The following AMZ1 variants were observed in gnomAD, a reference collection of about 807,000 sequenced individuals.
AMZ1 encodes the protein archaemetzincin-1.
A neutral mutation model predicts 29.9 loss-of-function variants in AMZ1; 39 were observed. The ratio of observed to expected loss-of-function variants is 1.30; its 90% CI spans 1.01 to 1.70. The LOEUF (loss-of-function observed/expected upper bound fraction) is 1.70, where lower values mean the gene tolerates loss of function less well. AMZ1 is among the 40% of genes most tolerant of loss of function. AMZ1 has a pLI of 0.00. For synonymous variants in AMZ1, 458 were observed against 304.0 expected, an observed-to-expected ratio of 1.51 and a Z score of -5.27; for missense variants, 1,041 against 680.6, an observed-to-expected ratio of 1.53 and a Z score of -5.89.
At chr7:2,691,021 G>C (rs993389816) in intron 1 of AMZ1, among the ~76,000 whole-genome samples, 1 of 148,792 alleles carries the variant, frequency 6.7e-6, no homozygotes, top group Admixed American at 6.9e-5. Context: ...TGCGTCTGTA[G>C]TCCCAGCTAC....
rs1562390197 is a variant in AMZ1 at position 2,731,381 on chromosome 7, C to T, written n.550+21565C>T. 1 of 1,613,526 alleles carries T rather than the reference C, an allele frequency of 6.2e-7. No homozygotes were observed. Among genetic ancestry groups the T allele is most frequent in the Non-Finnish European group, 8.5e-7 (1 of 1,179,592 alleles). On this transcript the variant is annotated intron_variant and non_coding_transcript_variant, in intron 4 of 4. Coordinates refer to the AMZ1 transcript ENST00000489665. The surrounding 1 kb of genome is among the most constrained non-coding windows in gnomAD (Gnocchi z 6.0). ...AGCCTGTGCGGGTCGCCCCTGAAGT[C>T]CGGGAAGTGCTTCTTGATGCTCACG...
intron 2 of AMZ1, chr7:2,702,442 C>G (rs1788105560): frequency 2.2e-6 from 1 of 448,100 alleles, no homozygotes; most frequent in Admixed American, 4.2e-5. Context: ...GTCCCTGTCC[C>G]TGGTGAGTCC....
At chr7:2,738,148 C>T (rs557247072) in intron 4 of AMZ1, among the ~76,000 whole-genome samples, 4 of 152,246 alleles carry the variant, frequency 2.6e-5, no homozygotes, top group African/African-American at 4.8e-5. Flanking sequence ...GAGGACCAGG[C>T]GTGGTGGCTC....
At chr7:2,735,793 G>C (rs559875344) in intron 4 of AMZ1, among the ~76,000 whole-genome samples, 1 of 152,306 alleles carries the variant, frequency 6.6e-6, no homozygotes, top group Admixed American at 6.5e-5. Flanking sequence ...TGTCAGGGCG[G>C]CCTCATCTCG....
At chr7:2,736,480 T>C (rs1039651605) in intron 4 of AMZ1, among the ~76,000 whole-genome samples, 1 of 152,162 alleles carries the variant, frequency 6.6e-6, no homozygotes, top group Non-Finnish European at 1.5e-5. Context: ...GTCTGTCCTC[T>C]CACGAGCAAC....
At chr7:2,706,681 C>T (rs1421808883) in intron 3 of AMZ1, among the ~76,000 whole-genome samples, 1 of 152,192 alleles carries the variant, frequency 6.6e-6, no homozygotes, top group East Asian at 1.9e-4. Context: ...TTCTAAGACT[C>T]CAGTCACTGG....
chr7:2,700,331 C>A lies in AMZ1; in HGVS notation c.-121C>A, dbSNP rs1024136900. On this transcript the variant is annotated 5_prime_UTR_variant, in exon 2 of 7. Transcript: ENST00000683327. Reference sequence around the variant, plus strand: ...TGGACCAGTGTCTGTCTGCAGGGAGCCCCCGGTAGCCACTCGGATCAGCCC... The same window carrying A: ...TGGACCAGTGTCTGTCTGCAGGGAGACCCCGGTAGCCACTCGGATCAGCCC... 7 of 1,165,200 alleles carry A rather than the reference C, an allele frequency of 6.0e-6. No homozygotes were observed. The highest frequency in any genetic ancestry group is 8.3e-6 in the Non-Finnish European group (7 of 843,766). 72.2% of individuals were successfully genotyped at this position (1,165,200 alleles called of 1,614,324 possible).
At chr7:2,727,435 G>A (rs1398486222) in intron 4 of AMZ1, among the ~76,000 whole-genome samples, 1 of 152,088 alleles carries the variant, frequency 6.6e-6, no homozygotes, top group Admixed American at 6.6e-5. Flanking sequence ...GGAGTGCAGA[G>A]TGCGATCGCA....
At chr7:2,708,412 C>A (rs999071735) in intron 3 of AMZ1, among the ~76,000 whole-genome samples, 176 bp from the exon 4 acceptor site, 20 of 152,202 alleles carry the variant, frequency 1.3e-4, no homozygotes, top group Non-Finnish European at 4.4e-5. Flanking sequence ...GGCTGTCACT[C>A]CACATCATGC....
intron 4 of AMZ1, among the ~76,000 whole-genome samples, chr7:2,755,789 T>C (rs1791265203): frequency 6.6e-6 from 1 of 152,252 alleles, no homozygotes; most frequent in Non-Finnish European, 1.5e-5. Flanking sequence ...AAAATTTCTT[T>C]ACTGAAAACT....
intron 1 of AMZ1, among the ~76,000 whole-genome samples, chr7:2,690,130 C>T (rs1034658197): frequency 2.0e-5 from 3 of 152,166 alleles, no homozygotes; most frequent in South Asian, 2.1e-4. Context: ...GGGAGCTAAG[C>T]GTTCTCATTC....
In AMZ1 at chr7:2,726,894, G is replaced by A. The variant is rs73047369; in HGVS notation, n.550+17078G>A. On this transcript the variant is annotated intron_variant and non_coding_transcript_variant, in intron 4 of 4. Transcript: ENST00000489665. Reference sequence around the variant, plus strand: ...GATAACCCCAGGGGTTGTGAGGACAGAACCTCCACCTGCCATCCCCATGGG... The same window carrying A: ...GATAACCCCAGGGGTTGTGAGGACAAAACCTCCACCTGCCATCCCCATGGG... Among the ~76,000 whole-genome samples the A allele has an allele frequency of 9.8e-3, 1,489 of 152,278 alleles. 5 individuals carry two copies. Among genetic ancestry groups the A allele is most frequent in the Non-Finnish European group, 0.016 (1,079 of 68,018 alleles).
rs1562376786 is a variant in AMZ1, at chr7:2,712,918, C to CTGG, written c.*41_*43dup. On this transcript the variant is annotated 3_prime_UTR_variant, in exon 7 of 7. Coordinates refer to ENST00000683327, the MANE Select transcript of AMZ1 (RefSeq NM_001384743.1). ...CCCTACGTCTCCTTCCCTAAGGATG[C>CTGG]TGGCCAGCACTGTCCAGTAGCTGAG... The CTGG allele has an allele frequency of 6.7e-7, 1 of 1,499,708 alleles. No homozygotes were observed. Among genetic ancestry groups the CTGG allele is most frequent in the Non-Finnish European group, 8.9e-7 (1 of 1,124,210 alleles). The allele number at this position is 1,499,708 out of a possible 1,614,324, so 92.9% of individuals were successfully genotyped here.
chr7:2,689,233 C>T (rs995126989), intron 1 of AMZ1, among the ~76,000 whole-genome samples: 7 of 152,290 alleles, frequency 4.6e-5, no homozygotes, highest in African/African-American at 1.4e-4. Flanking sequence ...GTTTCTTGCC[C>T]AAAGGCCAGG....
At position 2,709,204 on chromosome 7, in the gene AMZ1, C is replaced by G. The variant is rs1013476923; in HGVS notation, c.731C>G (p.Ala244Gly). 2.0e-6 allele frequency: 3 copies of G among 1,516,574 alleles called. No individual in the cohort carries two copies. Among genetic ancestry groups the G allele is most frequent in the Non-Finnish European group, 2.6e-6 (3 of 1,134,130 alleles). 93.9% of individuals were successfully genotyped at this position (1,516,574 alleles called of 1,614,324 possible). ...GCCCCCCTGCAGGACAGGGGCTGGG[C>G]CCTGTGCTTCAGTGCCCTGGGGATG... The part of the protein sequence containing the change: ...PEAPLQDRGW[A>G]LCFSALGMVQ... The change falls in exon 5 of 7, where the codon GCC becomes GGC. Residue 244 changes from alanine to glycine, a missense_variant. Transcript: ENST00000683327.
chr7:2,709,587 C>T (rs926582852), intron 5 of AMZ1, 53 bp from the exon 6 acceptor site: 6 of 1,573,278 alleles, frequency 3.8e-6, no homozygotes, highest in Non-Finnish European at 5.2e-6. Flanking sequence ...TGGGGATCTG[C>T]CGGATGCAGG....
Position 2,733,521 on chromosome 7 carries a change from T to C in AMZ1, n.550+23705T>C, listed in dbSNP as rs2115290053. The C allele has an allele frequency of 4.4e-6, 7 of 1,605,488 alleles. No individual in the cohort carries two copies. The East Asian group carries it at 1.3e-4, about 31-fold the overall frequency. On this transcript the variant is annotated intron_variant and non_coding_transcript_variant, in intron 4 of 4. Coordinates refer to the AMZ1 transcript ENST00000489665. The stretch of plus-strand genomic sequence containing the variant: ...CTCCCCCTGTCAGGAAGGAAGAATA[T>C]TCACAGCTCAGTCTGGACTGAGGAA...
chr7:2,692,854 G>A (rs1193387129), intron 1 of AMZ1, among the ~76,000 whole-genome samples: 2 of 151,682 alleles, frequency 1.3e-5, no homozygotes, highest in South Asian at 2.1e-4. Flanking sequence ...CCCCAATCTC[G>A]TCCCCTGTTC....
intron 4 of AMZ1, chr7:2,733,494 G>GTC (rs1790005274): frequency 6.2e-7 from 1 of 1,613,086 alleles, no homozygotes; most frequent in Non-Finnish European, 8.5e-7. Flanking sequence ...GTACTTCACC[G>GTC]ACTCCCCCTG....
Sources: allele counts gnomAD v4.1 joint callset (sites outside exome capture counted in the v4.1 genomes callset), GRCh38; gene constraint gnomAD v4.1.1; non-coding constraint Gnocchi (gnomAD v3.1); transcripts MANE v1.5; gene names NCBI Gene and HGNC (gene_info 2026-07-23, HGNC 2026-07-21).